Variants in NXPE3 observed in about 807,000 individuals in gnomAD.
NXPE3 encodes the protein NXPE family member 3.
In NXPE3, 26 loss-of-function variants were observed where a neutral mutation model predicts 46.1. That is an observed-to-expected ratio of 0.56 (90% CI 0.41 to 0.78). The LOEUF (loss-of-function observed/expected upper bound fraction) is 0.78. Ranked by LOEUF, NXPE3 falls within the 30% of genes least tolerant of loss-of-function variation. NXPE3 has a pLI of 0.00. For synonymous variants in NXPE3, 272 were observed against 257.9 expected, an observed-to-expected ratio of 1.05 and a Z score of -0.52; for missense variants, 620 against 686.0, an observed-to-expected ratio of 0.90 and a Z score of 1.07.
intron 5 of NXPE3, among the ~76,000 whole-genome samples, chr3:101,802,620 C>CT (rs1445130317): frequency 9.9e-5 from 15 of 151,878 alleles, no homozygotes; most frequent in African/African-American, 3.2e-4. Context: ...GGCAACATTG[C>CT]TGGGTTGACT....
chr3:101,793,627 C>CTTTTTTTTTTTTTTTTTTTT, intron 4 of NXPE3, among the ~76,000 whole-genome samples: 1 of 19,392 alleles, frequency 5.2e-5, no homozygotes, highest in Non-Finnish European at 9.4e-5. Context: ...TTGACAAGGT[C>CTTTTTTTTTTTTTTTTTTTT]TTTTTTTTTT....
chr3:101,821,881 T>C lies in NXPE3; in HGVS notation c.1607T>C (p.Leu536Pro). 1 of 1,614,188 alleles carries C rather than the reference T, an allele frequency of 6.2e-7. No individual in the cohort carries two copies. The highest frequency in any genetic ancestry group is 8.5e-7 in the Non-Finnish European group (1 of 1,180,024). ...MTLAHYLPHK[L>P]HPDEVIVKNQ... ...CTGGCCCATTATCTACCGCACAAGC[T>C]GCATCCAGATGAAGTTATTGTGAAG... The change falls in exon 8 of 8, where the codon CTG (leucine) becomes CCG (proline). Residue 536 changes from leucine (L) to proline (P), a missense_variant. This residue lies in a region of NXPE3 where 34 missense variants were observed against 36.2 expected (regional missense o/e 0.94). Coordinates refer to ENST00000273347, the MANE Select transcript of NXPE3 (RefSeq NM_145037.4).
chr3:101,818,730 TATATATATATATATATATATATA>T (rs1428337613), intron 7 of NXPE3, among the ~76,000 whole-genome samples: 1 of 26,016 alleles, frequency 3.8e-5, no homozygotes, highest in African/African-American at 1.6e-4. Context: ...TATATATATA[TATATATATATATATATATATATA>T]TTTTTTTTTT....
intron 7 of NXPE3, among the ~76,000 whole-genome samples, chr3:101,817,863 G>A (rs1299566119): frequency 6.6e-6 from 1 of 152,038 alleles, no homozygotes; most frequent in Non-Finnish European, 1.5e-5. Flanking sequence ...GTTTTTATCA[G>A]CCTTTTTATT....
intron 4 of NXPE3, among the ~76,000 whole-genome samples, chr3:101,786,147 A>G (rs898811451): frequency 6.6e-6 from 1 of 152,148 alleles, no homozygotes; most frequent in African/African-American, 2.4e-5. Context: ...AGATTACTAG[A>G]TGGTACTCAG....
intron 1 of NXPE3, chr3:101,779,822 T>C (rs1410053675): frequency 6.6e-6 from 1 of 152,562 alleles, no homozygotes; most frequent in Non-Finnish European, 1.5e-5. Context: ...GGGCACCAGC[T>C]GCCTCTTGGC....
rs747396776 is a variant in NXPE3, at chr3:101,801,913, A to T, written c.772A>T (p.Ser258Cys). The change falls in exon 5 of 8, where the codon AGC becomes TGC. Residue 258 changes from serine (S) to cysteine (C), a missense_variant. Transcript: ENST00000273347. ...CTTCAAACCAAAGAAGCTCCCTTGC[A>T]GCAGCAGAATTACCCATTTCAAAGG... ...FCFKPKKLPC[S>C]SRITHFKGGY... is the part of the protein sequence containing the mutation. 3 of 1,614,046 alleles carry T rather than the reference A, an allele frequency of 1.9e-6. No individual in the cohort carries two copies. In the South Asian group the frequency reaches 3.3e-5, roughly 18 times the overall value.
At chr3:101,783,709 A>C (rs1160485774) in intron 3 of NXPE3, among the ~76,000 whole-genome samples, 1 of 152,150 alleles carries the variant, frequency 6.6e-6, no homozygotes, top group Non-Finnish European at 1.5e-5. Context: ...TGGTGCAACT[A>C]AATTCCTGTG....
At chr3:101,788,709 A>C (rs147637214) in intron 4 of NXPE3, among the ~76,000 whole-genome samples, 12 of 152,052 alleles carry the variant, frequency 7.9e-5, no homozygotes, top group Non-Finnish European at 1.6e-4. Context: ...TCCTCCTCCC[A>C]GATTCAAGTG....
chr3:101,819,581 A>G (rs1027833476), intron 7 of NXPE3, among the ~76,000 whole-genome samples: 1 of 152,136 alleles, frequency 6.6e-6, no homozygotes, highest in Non-Finnish European at 1.5e-5. Context: ...GTTTGTTTTC[A>G]TTTTTCAAAA....
intron 4 of NXPE3, among the ~76,000 whole-genome samples, chr3:101,797,312 A>T (rs1025320466): frequency 1.3e-5 from 2 of 152,106 alleles, no homozygotes; most frequent in Non-Finnish European, 2.9e-5. Flanking sequence ...GCAGTGTATC[A>T]TGGGTGGTTA....
intron 6 of NXPE3, among the ~76,000 whole-genome samples, chr3:101,808,854 T>TATATACATATATATATATAC (rs770360739): frequency 2.0e-5 from 2 of 100,346 alleles, no homozygotes; most frequent in South Asian, 3.2e-4. Context: ...TATATATATA[T>TATATACATATATATATATAC]ATGAGACATT....
In NXPE3 at chr3:101,801,737, G is replaced by T. The variant is rs143729248; in HGVS notation, c.596G>T (p.Arg199Leu). The T allele has an allele frequency of 6.2e-7, 1 of 1,614,180 alleles. No individual in the cohort carries two copies. Among genetic ancestry groups the T allele is most frequent in the Non-Finnish European group, 8.5e-7 (1 of 1,180,022 alleles). ...HPSEGIRVLQ[R>L]LQEDKPDRVY... The stretch of plus-strand genomic sequence containing the variant: ...AGTGAAGGGATCAGAGTTCTTCAGC[G>T]CTTACAGGAAGATAAACCAGACAGG... Residue 199 changes from arginine to leucine, a missense_variant, in exon 5 of 8, where the codon CGC (arginine) becomes CTC (leucine). Physicochemically the swap from Arg to Leu is moderately radical, Grantham distance 102 (BLOSUM62 -2). This residue lies in a region of NXPE3 where 511 missense variants were observed against 528.6 expected (regional missense o/e 0.97). Coordinates refer to ENST00000273347, the MANE Select transcript of NXPE3 (RefSeq NM_145037.4).
In NXPE3 at chr3:101,826,764, TG is replaced by T. The variant is rs1206229800; in HGVS notation, c.*4812del. ...TTAAAAAAATGTGGGCCGGGCATAGTGGCTCATGCCTGTAATCCCAGCACTT... is the reference window on the plus strand; with the variant it reads ...TTAAAAAAATGTGGGCCGGGCATAGTGCTCATGCCTGTAATCCCAGCACTT... On this transcript the variant is annotated 3_prime_UTR_variant, in exon 8 of 8. Coordinates refer to ENST00000273347, the MANE Select transcript of NXPE3 (RefSeq NM_145037.4). 1 of 152,310 alleles carries T rather than the reference TG, an allele frequency of 6.6e-6. No individual in the cohort carries two copies. Among genetic ancestry groups the T allele is most frequent in the Non-Finnish European group, 1.5e-5 (1 of 68,088 alleles). 9.4% of individuals were successfully genotyped at this position (152,310 alleles called of 1,614,324 possible). A position where few individuals can be genotyped will look rare whatever the true frequency, so the allele number is the denominator to read the frequency against.
At chr3:101,781,677 A>T (rs1261037653) in intron 1 of NXPE3, 1 of 152,228 alleles carries the variant, frequency 6.6e-6, no homozygotes, top group Non-Finnish European at 1.5e-5. Context: ...TGACATTTGA[A>T]AACAGGATCA....
chr3:101,797,294 C>T (rs1490172346), intron 4 of NXPE3, among the ~76,000 whole-genome samples: 1 of 152,108 alleles, frequency 6.6e-6, no homozygotes, highest in African/African-American at 2.4e-5. Flanking sequence ...CTGACTTGTT[C>T]ATATGAGGCA....
chr3:101,794,875 G>T (rs1214049314), intron 4 of NXPE3, among the ~76,000 whole-genome samples: 1 of 152,166 alleles, frequency 6.6e-6, no homozygotes, highest in Admixed American at 6.6e-5. Context: ...TTATTTGAAC[G>T]AACTAACTCT....
intron 4 of NXPE3, among the ~76,000 whole-genome samples, chr3:101,798,774 A>C (rs1307060190): frequency 6.6e-6 from 1 of 151,674 alleles, no homozygotes; most frequent in Non-Finnish European, 1.5e-5. Context: ...CACCACACCC[A>C]GCTAAATTTT....
At chr3:101,820,874 G>C (rs1270975226) in intron 7 of NXPE3, among the ~76,000 whole-genome samples, 1 of 152,224 alleles carries the variant, frequency 6.6e-6, no homozygotes, top group South Asian at 2.1e-4. Context: ...GTCTACTTGA[G>C]TGGGGGAGTT....
Sources: allele counts gnomAD v4.1 joint callset (sites outside exome capture counted in the v4.1 genomes callset), GRCh38; gene constraint gnomAD v4.1.1; regional missense constraint gnomAD v4.1.1; transcripts MANE v1.5; gene names NCBI Gene and HGNC (gene_info 2026-07-23, HGNC 2026-07-21).